ATP6V1B2: variants seen among roughly 807,000 people sequenced by gnomAD.
ATP6V1B2 encodes ATPase H+ transporting V1 subunit B2, also known as V-type proton ATPase subunit B, brain isoform.
In ATP6V1B2, 23 loss-of-function variants were observed where a neutral mutation model predicts 66.7. The observed-to-expected ratio is 0.34, with a 90% confidence interval of 0.25 to 0.49. ATP6V1B2 has a LOEUF of 0.49. Among genes scored for constraint, ATP6V1B2 ranks in the 20% least tolerant of loss-of-function variants. ATP6V1B2 has a pLI of 0.99. For synonymous variants in ATP6V1B2, 278 were observed against 236.7 expected, an observed-to-expected ratio of 1.17 and a Z score of -1.60; for missense variants, 478 against 650.8, an observed-to-expected ratio of 0.73 and a Z score of 2.89.
chr8:20,210,017 ATTC>A (rs1344319192), intron 3 of ATP6V1B2, among the ~76,000 whole-genome samples: 1 of 150,630 alleles, frequency 6.6e-6, no homozygotes, highest in African/African-American at 2.4e-5. Context: ...TCTCCTACAT[ATTC>A]TTCTTTTTCT....
intron 1 of ATP6V1B2, among the ~76,000 whole-genome samples, chr8:20,202,576 GT>G (rs1416832127): frequency 6.6e-6 from 1 of 152,172 alleles, no homozygotes; most frequent in African/African-American, 2.4e-5. Flanking sequence ...TTGAGTCACT[GT>G]TTCCAGGAAA....
chr8:20,219,898 C>G (rs2072891474), intron 13 of ATP6V1B2, among the ~76,000 whole-genome samples: 1 of 152,148 alleles, frequency 6.6e-6, no homozygotes, highest in Non-Finnish European at 1.5e-5. Context: ...TCAGCCTTTT[C>G]TCTTTGTGTG....
In ATP6V1B2 at chr8:20,198,427, C is replaced by T. The variant is rs116777721; in HGVS notation, c.136+885C>T. On this transcript the variant is annotated intron_variant, in intron 1 of 13. Coordinates refer to ENST00000276390, the MANE Select transcript of ATP6V1B2 (RefSeq NM_001693.4). The stretch of plus-strand genomic sequence containing the variant: ...GTTGTGATTTTTTAAATAAAAAGGC[C>T]TTAATGAACTAGGTTTAAGTGGATA... 7.6e-3 allele frequency among the ~76,000 whole-genome samples: 1,160 copies of T among 152,228 alleles called. 10 individuals are homozygous for T. Among genetic ancestry groups the T allele is most frequent in the African/African-American group, 0.026 (1,089 of 41,546 alleles).
At chr8:20,209,816 G>A (rs1441937000) in intron 3 of ATP6V1B2, among the ~76,000 whole-genome samples, 87 of 152,042 alleles carry the variant, frequency 5.7e-4, no homozygotes, top group Non-Finnish European at 4.4e-5. Flanking sequence ...AAACCAACAG[G>A]ATATCTGTCT....
chr8:20,209,003 C>G (rs1471017461), intron 2 of ATP6V1B2, among the ~76,000 whole-genome samples: 1 of 152,156 alleles, frequency 6.6e-6, no homozygotes, highest in Non-Finnish European at 1.5e-5. Context: ...GCCACCGCGC[C>G]TAGCCTATTT....
Position 20,220,621 on chromosome 8 carries a change from A to AGT in ATP6V1B2, c.*221_*222dup. ...CCTGGGTCCTCAGTGCTATGTTTAA[A>AGT]GTGCTGCAGGGATGGAGTGGCGTTT... On this transcript the variant is annotated 3_prime_UTR_variant, in exon 14 of 14. Transcript: ENST00000276390. The AGT allele has an allele frequency of 1.8e-6, 1 of 557,722 alleles. No individual in the cohort carries two copies. The highest frequency in any genetic ancestry group is 2.8e-6 in the Non-Finnish European group (1 of 350,908). 34.5% of individuals were successfully genotyped at this position (557,722 alleles called of 1,614,324 possible).
In ATP6V1B2 at chr8:20,211,331, C is replaced by G. The variant is rs17092159; in HGVS notation, c.603+15C>G. ...CACACAATGAGGTGAGGACTGGGAT[C>G]GGTTTGCTATGAAGTTTAGCAGACA... On this transcript the variant is annotated intron_variant, in intron 6 of 13. Transcript: ENST00000276390. 1,346 of 1,604,030 alleles carry G rather than the reference C, an allele frequency of 8.4e-4. 10 individuals carry two copies. The African/African-American group carries it at 0.014, about 17-fold the overall frequency.
chr8:20,209,306 A>T, intron 2 of ATP6V1B2, 127 bp from the exon 3 acceptor site: 1 of 887,508 alleles, frequency 1.1e-6, no homozygotes, highest in Non-Finnish European at 1.7e-6. Flanking sequence ...GCTCTCAGCA[A>T]AAACCTGTGT....
intron 2 of ATP6V1B2, among the ~76,000 whole-genome samples, chr8:20,206,036 C>T (rs778609666): frequency 6.6e-6 from 1 of 152,280 alleles, no homozygotes; most frequent in African/African-American, 2.4e-5. Context: ...TAAAAAGCCT[C>T]TTCGAAAATA....
At chr8:20,219,441 C>G (rs1204321306) in intron 13 of ATP6V1B2, among the ~76,000 whole-genome samples, 1 of 152,130 alleles carries the variant, frequency 6.6e-6, no homozygotes, top group African/African-American at 2.4e-5. Flanking sequence ...GCAGGATTTT[C>G]AAGCTGTTTT....
chr8:20,201,276 G>C (rs573637096), intron 1 of ATP6V1B2, among the ~76,000 whole-genome samples: 1 of 152,248 alleles, frequency 6.6e-6, no homozygotes, highest in East Asian at 1.9e-4. Flanking sequence ...TCAATATGTA[G>C]GTAAATAGAA....
At chr8:20,199,135 G>T (rs2072658123) in intron 1 of ATP6V1B2, among the ~76,000 whole-genome samples, 1 of 152,188 alleles carries the variant, frequency 6.6e-6, no homozygotes, top group Non-Finnish European at 1.5e-5. Context: ...CCATGATTAA[G>T]ATTGTAAACC....
chr8:20,199,934 A>T (rs1325327677), intron 1 of ATP6V1B2, among the ~76,000 whole-genome samples: 1 of 151,412 alleles, frequency 6.6e-6, no homozygotes, highest in African/African-American at 2.4e-5. Flanking sequence ...TTGTAAATTG[A>T]TTGTAATTTT....
At chr8:20,204,184 A>G in intron 1 of ATP6V1B2, 1 of 403,524 alleles carries the variant, frequency 2.5e-6, no homozygotes, top group South Asian at 2.2e-5. Context: ...CCCCTCGCAT[A>G]AGACTGAACT....
chr8:20,200,493 T>C (rs1255879347), intron 1 of ATP6V1B2, among the ~76,000 whole-genome samples: 1 of 152,242 alleles, frequency 6.6e-6, no homozygotes, highest in Non-Finnish European at 1.5e-5. Context: ...CTGTACAAAT[T>C]AGATCCTTTT....
In ATP6V1B2 at chr8:20,211,085, TTTTTC is replaced by T. The variant is rs1216674863; in HGVS notation, c.464-82_464-78del. The T allele has an allele frequency of 3.2e-5, 48 of 1,511,712 alleles. No homozygotes were observed. In the East Asian group the frequency reaches 5.0e-4, roughly 16 times the overall value. The allele number at this position is 1,511,712 out of a possible 1,614,324, so 93.6% of individuals were successfully genotyped here. A position where few individuals can be genotyped will look rare whatever the true frequency, so the allele number is the denominator to read the frequency against. On this transcript the variant is annotated intron_variant, in intron 5 of 13. Coordinates refer to ENST00000276390, the MANE Select transcript of ATP6V1B2 (RefSeq NM_001693.4). ...TTATGTAGTTCTGGTCTTCTGGTGCTTTTTCTTTTCTTTTAATTTGATATGATATC... is the reference window on the plus strand; with the variant it reads ...TTATGTAGTTCTGGTCTTCTGGTGCTTTTTCTTTTAATTTGATATGATATC...
Position 20,216,499 on chromosome 8 carries a change from C to T in ATP6V1B2, c.1161+4C>T, listed in dbSNP as rs1351404365. On this transcript the variant is annotated splice_donor_region_variant and intron_variant, in intron 11 of 13. Transcript: ENST00000276390. ...CAGACAGCTGCACAACAGACAGGTA[C>T]TGGACGGGAGCAGTGCTGGGAAGCT... 9.3e-6 allele frequency: 15 copies of T among 1,612,384 alleles called. No homozygotes were observed. Among genetic ancestry groups the T allele is most frequent in the Non-Finnish European group, 1.3e-5 (15 of 1,178,680 alleles).
intron 2 of ATP6V1B2, among the ~76,000 whole-genome samples, chr8:20,207,324 A>G (rs2072748624): frequency 6.6e-6 from 1 of 152,222 alleles, no homozygotes; most frequent in Admixed American, 6.5e-5. Context: ...TTACAAGGCC[A>G]TGGGGGACAC....
intron 1 of ATP6V1B2, chr8:20,203,971 C>T (rs1300863920): frequency 2.2e-6 from 1 of 455,776 alleles, no homozygotes; most frequent in East Asian, 7.0e-5. Context: ...TATACAATTT[C>T]TCCAATTTCC....
Sources: allele counts gnomAD v4.1 joint callset (sites outside exome capture counted in the v4.1 genomes callset), GRCh38; gene constraint gnomAD v4.1.1; transcripts MANE v1.5; gene names NCBI Gene and HGNC (gene_info 2026-07-23, HGNC 2026-07-21).